The following TP63 variants were observed in gnomAD, a reference collection of about 807,000 sequenced individuals.
TP63 encodes the protein tumor protein 63.
A neutral mutation model predicts 82.8 loss-of-function variants in TP63; 17 were observed. The ratio of observed to expected loss-of-function variants is 0.21; its 90% CI spans 0.14 to 0.31. The LOEUF is 0.31. Among genes scored for constraint, TP63 ranks in the 10% least tolerant of loss-of-function variants. The pLI is 1.00. For synonymous variants in TP63, 330 were observed against 321.7 expected (o/e 1.03, Z -0.28); for missense variants, 648 against 895.3 (o/e 0.72, Z 3.52).
At chr3:189,795,199 AT>A (rs1454324273) in intron 3 of TP63, among the ~76,000 whole-genome samples, 1 of 152,116 alleles carries the variant, frequency 6.6e-6, no homozygotes, top group Non-Finnish European at 1.5e-5. Flanking sequence ...AGACACAATG[AT>A]TTTGAAGTAC....
At chr3:189,817,029 C>T (rs1046002088) in intron 4 of TP63, among the ~76,000 whole-genome samples, 1 of 151,214 alleles carries the variant, frequency 6.6e-6, no homozygotes, top group Non-Finnish European at 1.5e-5. Flanking sequence ...CTACAACTTG[C>T]CACCTTGTTA....
chr3:189,838,666 G>A (rs903637311), intron 4 of TP63, among the ~76,000 whole-genome samples: 1 of 152,078 alleles, frequency 6.6e-6, no homozygotes, highest in Admixed American at 6.6e-5. Context: ...GGAAATAGAT[G>A]TCTCAAAATT....
chr3:189,682,645 A>T (rs936391525), intron 1 of TP63, among the ~76,000 whole-genome samples: 30 of 150,632 alleles, frequency 2.0e-4, no homozygotes, highest in Admixed American at 1.4e-3. Context: ...TGCAAAAAAC[A>T]CAAGGAAATA....
intron 4 of TP63, among the ~76,000 whole-genome samples, chr3:189,823,062 T>G (rs1728959693): frequency 6.6e-6 from 1 of 152,196 alleles, no homozygotes; most frequent in South Asian, 2.1e-4. Flanking sequence ...AAGTATTTTG[T>G]GACCAGAAAG....
chr3:189,736,857 T>C (rs1305138914), intron 1 of TP63, among the ~76,000 whole-genome samples: 1 of 152,096 alleles, frequency 6.6e-6, no homozygotes. Context: ...ACTTAAGAAC[T>C]TAACTAATTT....
intron 10 of TP63, among the ~76,000 whole-genome samples, chr3:189,879,561 A>G (rs1577180868): frequency 6.6e-6 from 1 of 152,236 alleles, no homozygotes; most frequent in Admixed American, 6.5e-5. Context: ...CACTTAGGCT[A>G]GACAAGAACT....
chr3:189,701,356 A>G (rs1452840729), intron 1 of TP63, among the ~76,000 whole-genome samples: 12 of 151,960 alleles, frequency 7.9e-5, no homozygotes, highest in Non-Finnish European at 1.5e-4. Flanking sequence ...TAAATGAAGG[A>G]GTGAGTCTTC....
intron 1 of TP63, among the ~76,000 whole-genome samples, chr3:189,716,014 A>G (rs1346071087): frequency 2.0e-5 from 3 of 152,178 alleles, no homozygotes; most frequent in East Asian, 1.9e-4. Flanking sequence ...ACTAAAAACT[A>G]TATACATCTC....
At chr3:189,609,616 A>T in the TP63 span, among the ~76,000 whole-genome samples, 1 of 151,838 alleles carries the variant, frequency 6.6e-6, no homozygotes, top group Non-Finnish European at 1.5e-5. Flanking sequence ...TCCCCTTATA[A>T]GTGAGAACAT....
chr3:189,678,129 TC>T (rs1715606168), intron 1 of TP63, among the ~76,000 whole-genome samples: 1 of 152,150 alleles, frequency 6.6e-6, no homozygotes, highest in Non-Finnish European at 1.5e-5. Flanking sequence ...TGGATTTTTT[TC>T]TATTTGCTTT....
At chr3:189,611,490 T>C in the TP63 span, among the ~76,000 whole-genome samples, 1 of 152,200 alleles carries the variant, frequency 6.6e-6, no homozygotes, top group Non-Finnish European at 1.5e-5. Context: ...TGTATTTTGT[T>C]CCATTGGTCT....
chr3:189,633,070 C>G (rs912289263), intron 1 of TP63, among the ~76,000 whole-genome samples: 25 of 152,078 alleles, frequency 1.6e-4, no homozygotes, highest in Middle Eastern at 3.4e-3. Context: ...ACATACCTCT[C>G]TAGAAGCATT....
At chr3:189,813,022 CTT>C in intron 4 of TP63, among the ~76,000 whole-genome samples, 1 of 152,166 alleles carries the variant, frequency 6.6e-6, no homozygotes. Flanking sequence ...GGCTCTGCTG[CTT>C]TCCGAAGCCT....
At chr3:189,732,949 T>C (rs1017980194) in intron 1 of TP63, among the ~76,000 whole-genome samples, 3 of 152,086 alleles carry the variant, frequency 2.0e-5, no homozygotes, top group African/African-American at 7.2e-5. Context: ...AATTAGGAAC[T>C]AGGAAGTACT....
intron 4 of TP63, among the ~76,000 whole-genome samples, chr3:189,857,871 A>G (rs192277671): frequency 2.2e-4 from 33 of 152,340 alleles, no homozygotes; most frequent in African/African-American, 7.9e-4. Context: ...GAACCTTTAC[A>G]TACTTTCAGT....
chr3:189,747,368 A>AT (rs1239581626), intron 3 of TP63, among the ~76,000 whole-genome samples: 1 of 152,076 alleles, frequency 6.6e-6, no homozygotes, highest in African/African-American at 2.4e-5. Flanking sequence ...AGTCTCAAAA[A>AT]TTTTTTAAAA....
At chr3:189,892,897 A>C (rs553736112) in intron 13 of TP63, among the ~76,000 whole-genome samples, 75 of 152,334 alleles carry the variant, frequency 4.9e-4, no homozygotes, top group Admixed American at 3.5e-3. Context: ...TGGCCTGAAA[A>C]TTCACACCAT....
chr3:189,842,983 A>G (rs775268980), intron 4 of TP63, among the ~76,000 whole-genome samples: 8 of 152,170 alleles, frequency 5.3e-5, no homozygotes, highest in Non-Finnish European at 8.8e-5. Context: ...TCCTGGGGAG[A>G]TAAAGTTGCA....
In TP63 at chr3:189,708,886, C is replaced by G. The variant is rs758490200; in HGVS notation, c.63-28854C>G. 5.3e-5 allele frequency among the ~76,000 whole-genome samples: 8 copies of G among 152,198 alleles called. 1 individual carries two copies. Among genetic ancestry groups the G allele is most frequent in the Non-Finnish European group, 1.0e-4 (7 of 68,034 alleles). On this transcript the variant is annotated intron_variant, in intron 1 of 13. Transcript: ENST00000264731. ...ATTGCTTCACGGCTCAGAGACATTG[C>G]TGGAACACGAGAGTTAAGAGCCTTT...
Sources: gnomAD v4.1 joint callset for allele counts (sites outside exome capture counted in the v4.1 genomes callset) on GRCh38, gnomAD v4.1.1 for gene constraint, MANE v1.5 for transcripts, NCBI Gene and HGNC (gene_info 2026-07-23, HGNC 2026-07-21) for gene names.